TMEM161A: variants seen among roughly 807,000 people sequenced by gnomAD.
The protein encoded by TMEM161A is adaptive response to oxidative stress protein 29.
TMEM161A carries 46 observed loss-of-function variants against 57.1 expected under a neutral mutation model. The observed-to-expected ratio is 0.81, with a 90% CI of 0.64 to 1.03. The LOEUF is 1.03. TMEM161A is among the 50% of genes least tolerant of loss of function. The pLI, the probability that TMEM161A is intolerant of heterozygous loss-of-function variation, is 0.00. For synonymous variants in TMEM161A, 288 were observed against 279.0 expected, an observed-to-expected ratio of 1.03 and a Z score of -0.32; for missense variants, 601 against 621.5, an observed-to-expected ratio of 0.97 and a Z score of 0.35.
intron 6 of TMEM161A, among the ~76,000 whole-genome samples, chr19:19,122,780 AAAAG>A (rs995660789): frequency 2.0e-5 from 3 of 151,896 alleles, no homozygotes; most frequent in African/African-American, 7.3e-5. Context: ...AAAAAAAAAA[AAAAG>A]GAGCAAATTC....
In TMEM161A at chr19:19,121,770, G is replaced by A; in HGVS notation, c.645C>T (p.Gly215=). The change falls in exon 7 of 12, where the codon GGC becomes GGT. Residue 215 remains glycine (G), a synonymous_variant. Coordinates refer to ENST00000162044, the MANE Select transcript of TMEM161A (RefSeq NM_017814.3). This position sits in a 1 kb window ranked among gnomAD's most constrained non-coding sequence, Gnocchi z 5.8. ...TTCCCAGGACTCACGCCCAGTCCCA[G>A]CCCTGCTTCTTCAGAAGTGGCTCTA... ...QNLEPLLKKQ[G]WDWALPVAKL... is the part of the protein sequence containing the mutation. 1 of 1,614,010 alleles carries A rather than the reference G, an allele frequency of 6.2e-7. No homozygotes were observed.
At position 19,130,298 on chromosome 19, in the gene TMEM161A, G is replaced by C. The variant is rs748973341; in HGVS notation, c.453C>G (p.Phe151Leu). The C allele has an allele frequency of 6.2e-7, 1 of 1,613,140 alleles. No individual in the cohort carries two copies. Among genetic ancestry groups the C allele is most frequent in the Admixed American group, 1.7e-5 (1 of 60,022 alleles). The change falls in exon 6 of 12, where the codon TTC (phenylalanine) becomes TTG (leucine). Residue 151 changes from phenylalanine (F) to leucine (L), a missense_variant. Physicochemically the swap from Phe to Leu is conservative, Grantham distance 22. Transcript: ENST00000162044. ...LLTVTFSIKMFLTVTRLYFSA... is the reference protein window; with the variant it reads ...LLTVTFSIKMLLTVTRLYFSA... ...TGAAGTACAGCCGTGTCACTGTCAGGAACATCTTGCTGGAGGCTGGAGCTA... is the reference window on the plus strand; with the variant it reads ...TGAAGTACAGCCGTGTCACTGTCAGCAACATCTTGCTGGAGGCTGGAGCTA...
chr19:19,121,254 G>A lies in TMEM161A; in HGVS notation c.914+54C>T, dbSNP rs1870460623. 1 of 1,551,884 alleles carries A rather than the reference G, an allele frequency of 6.4e-7. No homozygotes were observed. Among genetic ancestry groups the A allele is most frequent in the South Asian group, 1.2e-5 (1 of 84,472 alleles). ...CCCAGGCTCCTCCCTGAATCTCAGA[G>A]GCTAGGGCACCCAGGGGAGCCCCAG... On this transcript the variant is annotated intron_variant, in intron 9 of 11. Coordinates refer to ENST00000162044, the MANE Select transcript of TMEM161A (RefSeq NM_017814.3). The surrounding 1 kb of genome is among the most constrained non-coding windows in gnomAD (Gnocchi z 5.8).
chr19:19,131,008 C>G (rs954272061), intron 5 of TMEM161A, among the ~76,000 whole-genome samples: 23 of 152,272 alleles, frequency 1.5e-4, no homozygotes, highest in African/African-American at 4.1e-4. Flanking sequence ...CACCTGAGGT[C>G]AGGAGTTTGA....
intron 1 of TMEM161A, among the ~76,000 whole-genome samples, chr19:19,137,817 G>C (rs1021552289): frequency 1.4e-4 from 22 of 152,280 alleles, no homozygotes; most frequent in Admixed American, 3.9e-4. Context: ...GACCCCCAGG[G>C]GCTGGGCTAA....
intron 1 of TMEM161A, among the ~76,000 whole-genome samples, chr19:19,135,704 G>A (rs2059982035): frequency 6.6e-6 from 1 of 152,016 alleles, no homozygotes; most frequent in Admixed American, 6.6e-5. Context: ...AGCCTCCCTA[G>A]TAGCTGGGAT....
Position 19,132,945 on chromosome 19 carries a change from C to T in TMEM161A, c.188+185G>A, listed in dbSNP as rs1301910529. 1.4e-6 allele frequency: 1 copy of T among 709,906 alleles called. No homozygotes were observed. Among genetic ancestry groups the T allele is most frequent in the African/African-American group, 1.8e-5 (1 of 55,650 alleles). 44.0% of individuals were successfully genotyped at this position (709,906 alleles called of 1,614,324 possible). A position where few individuals can be genotyped will look rare whatever the true frequency, so the allele number is the denominator to read the frequency against. ...AGAGCAAACTGCCAGGAAACAGATG[C>T]TAACTTGACAGTGACCATCTCCTTG... is the stretch of plus-strand genomic sequence containing the variant. On this transcript the variant is annotated intron_variant, in intron 3 of 11. Coordinates refer to ENST00000162044, the MANE Select transcript of TMEM161A (RefSeq NM_017814.3). This position sits in a 1 kb window ranked among gnomAD's most constrained non-coding sequence, Gnocchi z 4.3.
At chr19:19,131,331 T>C (rs2059957238) in intron 5 of TMEM161A, among the ~76,000 whole-genome samples, 1 of 151,994 alleles carries the variant, frequency 6.6e-6, no homozygotes, top group Non-Finnish European at 1.5e-5. Context: ...CTTTCTGTGC[T>C]TCCTCAGACT....
Position 19,121,137 on chromosome 19 carries a change from C to A in TMEM161A, c.944G>T (p.Arg315Leu), listed in dbSNP as rs1387838309. ...LLSDSAFDSGRLWLLVVLCLL... is the reference protein window; with the variant it reads ...LLSDSAFDSGLLWLLVVLCLL... ...GCACAGCACCACCAGCAACCAGAGG[C>A]GCCCAGAGTCGAAGGCAGAATCGGA... Residue 315 changes from arginine (R) to leucine (L), a missense_variant, in exon 10 of 12, where the codon CGC (arginine) becomes CTC (leucine). Arg to Leu is a moderately radical substitution (Grantham distance 102). Coordinates refer to ENST00000162044, the MANE Select transcript of TMEM161A (RefSeq NM_017814.3). The surrounding 1 kb of genome is among the most constrained non-coding windows in gnomAD (Gnocchi z 5.8). The A allele has an allele frequency of 6.2e-7, 1 of 1,609,512 alleles. No individual in the cohort carries two copies. Among genetic ancestry groups the A allele is most frequent in the Non-Finnish European group, 8.5e-7 (1 of 1,178,262 alleles).
Position 19,130,305 on chromosome 19 carries a change from T to A in TMEM161A, c.446A>T (p.Lys149Met). The change falls in exon 6 of 12, where the codon AAG (lysine) becomes ATG (methionine). Residue 149 changes from lysine (K) to methionine (M), a missense_variant and splice_region_variant. Lys to Met is a moderately conservative substitution (Grantham distance 95, BLOSUM62 -1). Coordinates refer to ENST00000162044, the MANE Select transcript of TMEM161A (RefSeq NM_017814.3). The stretch of plus-strand genomic sequence containing the variant: ...CAGCCGTGTCACTGTCAGGAACATC[T>A]TGCTGGAGGCTGGAGCTAAGGAGGC... ...WCLLTVTFSI[K>M]MFLTVTRLYF... The A allele has an allele frequency of 6.2e-7, 1 of 1,612,956 alleles. No individual in the cohort carries two copies. Among genetic ancestry groups the A allele is most frequent in the Non-Finnish European group, 8.5e-7 (1 of 1,179,988 alleles).
chr19:19,135,024 AG>A (rs1318697916), intron 1 of TMEM161A, 137 bp from the exon 2 acceptor site: 2 of 640,236 alleles, frequency 3.1e-6, no homozygotes, highest in East Asian at 5.5e-5. Flanking sequence ...GCGGCTTCTT[AG>A]GGGAGAGTCC....
Position 19,121,824 on chromosome 19 carries a change from G to A in TMEM161A, c.596-5C>T, listed in dbSNP as rs2059912644. The stretch of plus-strand genomic sequence containing the variant: ...TCTGGGTCATGCTGGCCAGACCTGG[G>A]GACGATAAGAAGAGGACCGAGTAGA... On this transcript the variant is annotated splice_region_variant and splice_polypyrimidine_tract_variant and intron_variant, in intron 6 of 11. Transcript: ENST00000162044. This position sits in a 1 kb window ranked among gnomAD's most constrained non-coding sequence, Gnocchi z 5.8. 6.2e-7 allele frequency: 1 copy of A among 1,613,616 alleles called. No homozygotes were observed. Among genetic ancestry groups the A allele is most frequent in the Admixed American group, 1.7e-5 (1 of 59,976 alleles).
chr19:19,130,343 T>G (rs201539405), intron 5 of TMEM161A, 36 bp from the exon 6 acceptor site: 2 of 1,607,776 alleles, frequency 1.2e-6, no homozygotes, highest in Non-Finnish European at 1.7e-6. Flanking sequence ...CAGGTGCCAC[T>G]GCCCCACTCT....
intron 6 of TMEM161A, among the ~76,000 whole-genome samples, chr19:19,126,662 G>A (rs1324349293): frequency 3.9e-5 from 6 of 152,044 alleles, no homozygotes; most frequent in African/African-American, 1.4e-4. Flanking sequence ...CTGAGGTCAG[G>A]AGTTAAAGAC....
chr19:19,121,029 T>G lies in TMEM161A; in HGVS notation c.1052A>C (p.Glu351Ala), dbSNP rs2059906965. The G allele has an allele frequency of 6.2e-7, 1 of 1,610,262 alleles. No homozygotes were observed. The highest frequency in any genetic ancestry group is 8.5e-7 in the Non-Finnish European group (1 of 1,178,282). ...AKARVEQLRR[E>A]AGRIEAREIQ... ...TTCACGGGCTTCGATGCGGCCAGCC[T>G]CCCTTCGCAGCTGCTCCACCCGGGC... Residue 351 changes from glutamate to alanine, a missense_variant, in exon 10 of 12, where the codon GAG becomes GCG. Physicochemically the swap from Glu to Ala is moderately radical, Grantham distance 107. Coordinates refer to ENST00000162044, the MANE Select transcript of TMEM161A (RefSeq NM_017814.3). The surrounding 1 kb of genome is among the most constrained non-coding windows in gnomAD (Gnocchi z 5.8).
intron 6 of TMEM161A, among the ~76,000 whole-genome samples, chr19:19,125,295 C>T (rs1484447550): frequency 6.6e-6 from 1 of 152,146 alleles, no homozygotes; most frequent in Non-Finnish European, 1.5e-5. Flanking sequence ...ATGTCACTGT[C>T]CATCAGCAAC....
rs1333936026 is a variant in TMEM161A at position 19,119,854 on chromosome 19, C to A, written c.*76G>T. 3.3e-6 allele frequency: 5 copies of A among 1,494,662 alleles called. No homozygotes were observed. The South Asian group carries it at 3.9e-5, about 12-fold the overall frequency. The allele number at this position is 1,494,662 out of a possible 1,614,324, so 92.6% of individuals were successfully genotyped here. A position where few individuals can be genotyped will look rare whatever the true frequency, so the allele number is the denominator to read the frequency against. On this transcript the variant is annotated 3_prime_UTR_variant, in exon 12 of 12. Coordinates refer to ENST00000162044, the MANE Select transcript of TMEM161A (RefSeq NM_017814.3). ...CACCTTGCAGCTGGGGACACGGGGGCGCAAACAGAGGGGGCAGGCTAGTGT... is the reference window on the plus strand; with the variant it reads ...CACCTTGCAGCTGGGGACACGGGGGAGCAAACAGAGGGGGCAGGCTAGTGT...
chr19:19,120,234 C>CGAGGGACAGGGCTGGCACG (rs2059901987), intron 11 of TMEM161A, 51 bp from the exon 12 acceptor site: 1 of 1,469,756 alleles, frequency 6.8e-7, no homozygotes, highest in Non-Finnish European at 9.1e-7. Flanking sequence ...GGGGAGGGGG[C>CGAGGGACAGGGCTGGCACG]GAGGGACAGG....
At chr19:19,136,016 CT>C (rs977038450) in intron 1 of TMEM161A, among the ~76,000 whole-genome samples, 591 of 141,910 alleles carry the variant, frequency 4.2e-3, no homozygotes, top group Non-Finnish European at 4.4e-3. Context: ...CCAGCTAAGG[CT>C]TTTTTTTTTT....
Sources: gnomAD v4.1 joint callset for allele counts (sites outside exome capture counted in the v4.1 genomes callset) on GRCh38, gnomAD v4.1.1 for gene constraint, Gnocchi (gnomAD v3.1) non-coding constraint, MANE v1.5 for transcripts, NCBI Gene and HGNC (gene_info 2026-07-23, HGNC 2026-07-21) for gene names.